Variants in RASGRP3 observed in about 807,000 individuals in gnomAD.
RASGRP3 encodes the protein ras guanyl-releasing protein 3.
A neutral mutation model predicts 82.7 loss-of-function variants in RASGRP3; 54 were observed. The observed-to-expected ratio is 0.65, with a 90% CI of 0.52 to 0.82. RASGRP3 has a LOEUF of 0.82. RASGRP3 is among the 40% of genes least tolerant of loss of function. RASGRP3 has a pLI of 0.00. For synonymous variants in RASGRP3, 309 were observed against 300.5 expected, an observed-to-expected ratio of 1.03 and a Z score of -0.29; for missense variants, 861 against 828.9, an observed-to-expected ratio of 1.04 and a Z score of -0.48.
intron 12 of RASGRP3, among the ~76,000 whole-genome samples, chr2:33,543,194 T>C (rs1574469267): frequency 6.6e-6 from 1 of 152,078 alleles, no homozygotes; most frequent in Non-Finnish European, 1.5e-5. Flanking sequence ...AAATGTTTTT[T>C]TGTAGCAATG....
chr2:33,451,328 C>T (rs1293303940), intron 2 of RASGRP3, among the ~76,000 whole-genome samples: 1 of 152,114 alleles, frequency 6.6e-6, no homozygotes, highest in African/African-American at 2.4e-5. Context: ...AGATATAATA[C>T]ATAGTTTTCA....
chr2:33,537,521 G>T (rs1332506841), intron 11 of RASGRP3, among the ~76,000 whole-genome samples: 1 of 151,988 alleles, frequency 6.6e-6, no homozygotes, highest in Non-Finnish European at 1.5e-5. Flanking sequence ...ACCACATCCG[G>T]CTAATTTTTT....
intron 1 of RASGRP3, among the ~76,000 whole-genome samples, chr2:33,478,540 T>C (rs1183725459): frequency 6.6e-6 from 1 of 152,182 alleles, no homozygotes; most frequent in Non-Finnish European, 1.5e-5. Flanking sequence ...ATGGGAGCAG[T>C]TGAATTATCC....
In RASGRP3 at chr2:33,562,677, T is replaced by C. The variant is rs75247590; in HGVS notation, c.2065-52T>C. 8.2e-4 allele frequency: 1,305 copies of C among 1,597,182 alleles called. 11 individuals are homozygous for C. The African/African-American group carries it at 0.015, about 19-fold the overall frequency. ...AAAAACTGCTTTCTAGGAACACTCTTATTTTGTTATATGAGATCCAGCCAT... is the reference window on the plus strand; with the variant it reads ...AAAAACTGCTTTCTAGGAACACTCTCATTTTGTTATATGAGATCCAGCCAT... On this transcript the variant is annotated intron_variant, in intron 17 of 17. Coordinates refer to ENST00000403687, the MANE Select transcript of RASGRP3 (RefSeq NM_001139488.2).
rs1001563892 is a variant in RASGRP3 at position 33,520,680 on chromosome 2, A to G, written c.364A>G (p.Ser122Gly). Residue 122 changes from serine to glycine, a missense_variant, in exon 6 of 18, where the codon AGC becomes GGC. Physicochemically the swap from Ser to Gly is moderately conservative, Grantham distance 56 (BLOSUM62 0). Coordinates refer to ENST00000403687, the MANE Select transcript of RASGRP3 (RefSeq NM_001139488.2). ...ACACGTCAGCCTCATCGACATATCC[A>G]GCATGTAAGAGTGGCACCGACGTCT... The part of the protein sequence containing the change: ...EKHVSLIDIS[S>G]IPSYDWMRRV... 1 of 1,613,932 alleles carries G rather than the reference A, an allele frequency of 6.2e-7. No individual in the cohort carries two copies. Among genetic ancestry groups the G allele is most frequent in the South Asian group, 1.1e-5 (1 of 91,072 alleles).
At chr2:33,545,110 T>C (rs949287490) in intron 13 of RASGRP3, among the ~76,000 whole-genome samples, 1 of 152,204 alleles carries the variant, frequency 6.6e-6, no homozygotes, top group African/African-American at 2.4e-5. Context: ...CTTCATTTCT[T>C]TTATCTGTTG....
At chr2:33,533,297 T>G (rs1445393975) in intron 10 of RASGRP3, 1 of 152,210 alleles carries the variant, frequency 6.6e-6, no homozygotes, top group East Asian at 1.9e-4. Context: ...ATGATCTTCC[T>G]CTCTCTTTTG....
chr2:33,536,023 C>A (rs1190597542), intron 11 of RASGRP3, among the ~76,000 whole-genome samples: 11 of 152,016 alleles, frequency 7.2e-5, no homozygotes, highest in Non-Finnish European at 1.5e-4. Flanking sequence ...TAGGTCTGGG[C>A]CAGGCACAGT....
intron 1 of RASGRP3, among the ~76,000 whole-genome samples, chr2:33,503,988 T>C (rs1670120244): frequency 6.6e-6 from 1 of 152,180 alleles, no homozygotes; most frequent in South Asian, 2.1e-4. Context: ...AATCCAAAGG[T>C]GGTTCAGAAC....
intron 1 of RASGRP3, among the ~76,000 whole-genome samples, chr2:33,442,673 A>G (rs901252427): frequency 6.6e-6 from 1 of 152,230 alleles, no homozygotes; most frequent in Non-Finnish European, 1.5e-5. Context: ...CATCAGCAGC[A>G]GGAAACAAAG....
chr2:33,539,204 A>G lies in RASGRP3; in HGVS notation c.1272A>G (p.Leu424=). The G allele has an allele frequency of 3.1e-6, 5 of 1,596,742 alleles. No individual in the cohort carries two copies. The highest frequency in any genetic ancestry group is 4.3e-6 in the Non-Finnish European group (5 of 1,169,382). The change falls in exon 12 of 18, where the codon TTA becomes TTG. Residue 424 remains leucine (L), a synonymous_variant. Coordinates refer to ENST00000403687, the MANE Select transcript of RASGRP3 (RefSeq NM_001139488.2). The stretch of plus-strand genomic sequence containing the variant: ...TCATCAACAAGCACATAAGGAAATT[A>G]GTGGAGGTAAGTGGTTGAGGGAGAA... ...PTVINKHIRK[L]VESVFRNYDH...
chr2:33,441,223 G>C (rs1392019463), intron 1 of RASGRP3, among the ~76,000 whole-genome samples: 1 of 152,050 alleles, frequency 6.6e-6, no homozygotes, highest in Non-Finnish European at 1.5e-5. Flanking sequence ...CTGCTATTTT[G>C]TATCCTTTGA....
At chr2:33,525,190 G>C (rs1361691083) in intron 9 of RASGRP3, among the ~76,000 whole-genome samples, 1 of 151,796 alleles carries the variant, frequency 6.6e-6, no homozygotes, top group Non-Finnish European at 1.5e-5. Context: ...GATACACAAG[G>C]TAAATAAGAC....
intron 11 of RASGRP3, among the ~76,000 whole-genome samples, chr2:33,537,320 A>ACCACC (rs1266542679): frequency 0.011 from 376 of 33,120 alleles, 15 homozygotes; most frequent in East Asian, 0.042. Flanking sequence ...ACACACACAC[A>ACCACC]CCGCCCCCCC....
chr2:33,500,523 G>C (rs1475798025), intron 1 of RASGRP3, among the ~76,000 whole-genome samples: 1 of 152,186 alleles, frequency 6.6e-6, no homozygotes. Context: ...GGGCATGAGG[G>C]ATGGCAAAAG....
chr2:33,534,140 A>T, intron 10 of RASGRP3, 183 bp from the exon 11 acceptor site: 1 of 592,154 alleles, frequency 1.7e-6, no homozygotes, highest in Non-Finnish European at 3.0e-6. Context: ...ATGATTAACC[A>T]GGATTAACGT....
chr2:33,448,607 C>T (rs984292247), intron 2 of RASGRP3, among the ~76,000 whole-genome samples: 2 of 151,596 alleles, frequency 1.3e-5, no homozygotes, highest in African/African-American at 2.4e-5. Context: ...GAAATATCTA[C>T]AATATGCAGA....
intron 14 of RASGRP3, chr2:33,555,059 T>G (rs1358168595): frequency 6.5e-6 from 1 of 153,106 alleles, no homozygotes; most frequent in Non-Finnish European, 1.5e-5. Context: ...TTTCCTCTTC[T>G]GTATTTTTCC....
At chr2:33,438,432 C>T (rs1310787223) in intron 1 of RASGRP3, among the ~76,000 whole-genome samples, 1 of 152,114 alleles carries the variant, frequency 6.6e-6, no homozygotes, top group Non-Finnish European at 1.5e-5. Flanking sequence ...CGTGGTGGCA[C>T]ATGCCTGTAA....
Sources: allele counts gnomAD v4.1 joint callset (sites outside exome capture counted in the v4.1 genomes callset), GRCh38; gene constraint gnomAD v4.1.1; transcripts MANE v1.5; gene names NCBI Gene and HGNC (gene_info 2026-07-23, HGNC 2026-07-21).